The following EIF4G3 variants were observed in gnomAD, a reference collection of about 807,000 sequenced individuals.
EIF4G3 encodes eukaryotic translation initiation factor 4 gamma 3, also known as eIF-4-gamma 3.
EIF4G3 carries 34 observed loss-of-function variants against 186.4 expected under a neutral mutation model. The observed-to-expected ratio is 0.18, with a 90% confidence interval of 0.14 to 0.24. The LOEUF is 0.24. EIF4G3 is among the 10% of genes least tolerant of loss of function. EIF4G3 has a pLI of 1.00. For synonymous variants in EIF4G3, 673 were observed against 679.5 expected (o/e 0.99, Z 0.15); for missense variants, 1,536 against 1,948.5 (o/e 0.79, Z 3.99).
At chr1:20,883,065 G>A (rs1376289687) in intron 19 of EIF4G3, among the ~76,000 whole-genome samples, 1 of 150,578 alleles carries the variant, frequency 6.6e-6, no homozygotes, top group Non-Finnish European at 1.5e-5. Context: ...CTTGGTGACA[G>A]AGTGAAACCC....
chr1:20,884,573 C>A (rs1331932697), intron 19 of EIF4G3, among the ~76,000 whole-genome samples: 1 of 151,890 alleles, frequency 6.6e-6, no homozygotes, highest in Non-Finnish European at 1.5e-5. Flanking sequence ...GAGAGAAGGA[C>A]AAAAAAGACT....
At chr1:20,839,874 A>C (rs1448417855) in intron 30 of EIF4G3, among the ~76,000 whole-genome samples, 1 of 140,020 alleles carries the variant, frequency 7.1e-6, no homozygotes, top group African/African-American at 2.6e-5. Context: ...GCATTTAATC[A>C]TATGTGCATT....
intron 4 of EIF4G3, among the ~76,000 whole-genome samples, chr1:21,016,663 A>T (rs1253078782): frequency 6.6e-6 from 1 of 152,032 alleles, no homozygotes; most frequent in Non-Finnish European, 1.5e-5. Flanking sequence ...TGTCTTAAAA[A>T]AAAACAATAA....
At chr1:21,098,803 A>G (rs148928602) in intron 2 of EIF4G3, among the ~76,000 whole-genome samples, 2,170 of 151,912 alleles carry the variant, frequency 0.014, 32 homozygotes, top group Middle Eastern at 0.027. Context: ...TGCCCAGCTA[A>G]TTTTTTCATT....
intron 14 of EIF4G3, among the ~76,000 whole-genome samples, chr1:20,920,201 C>G (rs886692227): frequency 6.6e-6 from 1 of 152,082 alleles, no homozygotes; most frequent in Non-Finnish European, 1.5e-5. Flanking sequence ...TCACTGCGTC[C>G]GGTCGAGATA....
intron 35 of EIF4G3, among the ~76,000 whole-genome samples, 175 bp from the exon 36 acceptor site, chr1:20,811,059 C>T (rs931181159): frequency 6.6e-6 from 1 of 152,194 alleles, no homozygotes; most frequent in South Asian, 2.1e-4. Flanking sequence ...AAGCTATTCT[C>T]CTGTCTCAGC....
chr1:20,829,136 G>C lies in EIF4G3; in HGVS notation c.4187+11C>G. 2 of 1,612,736 alleles carry C rather than the reference G, an allele frequency of 1.2e-6. No individual in the cohort carries two copies. Among genetic ancestry groups the C allele is most frequent in the Non-Finnish European group, 1.7e-6 (2 of 1,179,398 alleles). The stretch of plus-strand genomic sequence containing the variant: ...ACCTGATATATATCAAGAGAAACAA[G>C]TATAACTTACATGGTAAGTTCTCTC... On this transcript the variant is annotated intron_variant, in intron 31 of 36. Coordinates refer to ENST00000602326, the MANE Select transcript of EIF4G3 (RefSeq NM_001391906.1).
In EIF4G3 at chr1:20,997,644, G is replaced by A. The variant is rs2082575213; in HGVS notation, c.145-11C>T. ...AGGCCCCGCTGCAAACTGAGAAAAG[G>A]AGGGAAAACAAACACAAAAGGAAAG... On this transcript the variant is annotated splice_polypyrimidine_tract_variant and intron_variant, in intron 6 of 36. Coordinates refer to ENST00000602326, the MANE Select transcript of EIF4G3 (RefSeq NM_001391906.1). 1 of 1,538,660 alleles carries A rather than the reference G, an allele frequency of 6.5e-7. No individual in the cohort carries two copies. Among genetic ancestry groups the A allele is most frequent in the African/African-American group, 1.4e-5 (1 of 72,156 alleles).
At chr1:20,997,972 G>C (rs2082657058) in intron 6 of EIF4G3, among the ~76,000 whole-genome samples, 2 of 151,402 alleles carry the variant, frequency 1.3e-5, no homozygotes, top group East Asian at 3.9e-4. Flanking sequence ...AAATTAAGTG[G>C]TTATATTAAG....
intron 2 of EIF4G3, among the ~76,000 whole-genome samples, chr1:21,168,887 G>A (rs1217425197): frequency 6.6e-6 from 1 of 152,102 alleles, no homozygotes; most frequent in Non-Finnish European, 1.5e-5. Context: ...TGTTAAAAGT[G>A]GTTATCACAG....
chr1:20,937,550 CA>C (rs1295725633), intron 14 of EIF4G3, among the ~76,000 whole-genome samples: 2 of 151,428 alleles, frequency 1.3e-5, no homozygotes, highest in East Asian at 1.9e-4. Context: ...AAGCAAGAGC[CA>C]AAAAAACAAA....
chr1:21,114,713 A>C (rs967666972), intron 2 of EIF4G3, among the ~76,000 whole-genome samples: 2 of 149,222 alleles, frequency 1.3e-5, no homozygotes, highest in African/African-American at 4.8e-5. Context: ...CCAACACTTA[A>C]TAAAAAAAAT....
intron 20 of EIF4G3, among the ~76,000 whole-genome samples, chr1:20,879,088 G>A (rs573483626): frequency 7.9e-5 from 12 of 152,168 alleles, no homozygotes; most frequent in East Asian, 5.8e-4. Context: ...TCTTTCTTAC[G>A]CTGAATGGGC....
intron 23 of EIF4G3, among the ~76,000 whole-genome samples, chr1:20,861,042 C>A (rs979608479): frequency 2.0e-5 from 3 of 152,150 alleles, no homozygotes; most frequent in African/African-American, 7.2e-5. Flanking sequence ...ACCACTCTGC[C>A]CTTTGGTTAT....
intron 14 of EIF4G3, among the ~76,000 whole-genome samples, chr1:20,936,458 A>G (rs533554778): frequency 6.6e-6 from 1 of 152,300 alleles, no homozygotes; most frequent in Non-Finnish European, 1.5e-5. Context: ...TGTAGAAGCT[A>G]AATTATAAGG....
rs1423240651 is a variant in EIF4G3, at chr1:21,175,340, G to C, written c.-272+835C>G. On this transcript the variant is annotated intron_variant, in intron 2 of 36. Coordinates refer to ENST00000602326, the MANE Select transcript of EIF4G3 (RefSeq NM_001391906.1). ...AATTCTACAATCGAGCAAATAACAT[G>C]AAATTAGAAACATTCAATACTAGAC... 2.0e-5 allele frequency: 3 copies of C among 152,258 alleles called. No homozygotes were observed. In the East Asian group the frequency reaches 5.8e-4, roughly 29 times the overall value. 9.4% of individuals were successfully genotyped at this position (152,258 alleles called of 1,614,324 possible). A position where few individuals can be genotyped will look rare whatever the true frequency, so the allele number is the denominator to read the frequency against.
chr1:21,123,757 A>AT (rs2096970736), intron 2 of EIF4G3, among the ~76,000 whole-genome samples: 1 of 152,128 alleles, frequency 6.6e-6, no homozygotes, highest in African/African-American at 2.4e-5. Flanking sequence ...CTAGATTATG[A>AT]TTAAGTAAAA....
intron 2 of EIF4G3, among the ~76,000 whole-genome samples, chr1:21,122,759 C>G (rs2096949212): frequency 6.6e-6 from 1 of 152,102 alleles, no homozygotes; most frequent in Non-Finnish European, 1.5e-5. Flanking sequence ...AACTCCTTTC[C>G]AATGCATTTA....
chr1:21,034,120 G>A (rs1407112489), intron 4 of EIF4G3, among the ~76,000 whole-genome samples: 1 of 152,120 alleles, frequency 6.6e-6, no homozygotes, highest in Non-Finnish European at 1.5e-5. Flanking sequence ...TTTTTTCTGG[G>A]AATTTATCAC....
Sources: allele counts gnomAD v4.1 joint callset (sites outside exome capture counted in the v4.1 genomes callset), GRCh38; gene constraint gnomAD v4.1.1; transcripts MANE v1.5; gene names NCBI Gene and HGNC (gene_info 2026-07-23, HGNC 2026-07-21).